Variants in FAM3B observed in about 807,000 individuals in gnomAD.
The protein encoded by FAM3B is FAM3 metabolism regulating signaling molecule B, also known as protein FAM3B.
FAM3B carries 29 observed loss-of-function variants against 28.4 expected under a neutral mutation model. The ratio of observed to expected loss-of-function variants is 1.02; its 90% CI spans 0.76 to 1.39. The LOEUF (loss-of-function observed/expected upper bound fraction) is 1.39, where lower values mean the gene tolerates loss of function less well. Among genes scored for constraint, FAM3B ranks in the 40% most tolerant of loss-of-function variants. The probability of loss-of-function intolerance (pLI) is 0.00; values close to 1 mark genes in which losing one functional copy is unlikely to be tolerated. For missense variants in FAM3B, 266 were observed against 293.9 expected (o/e 0.91, Z 0.69); for synonymous variants, 91 against 103.0 (o/e 0.88, Z 0.71).
chr21:41,314,375 C>T (rs1390430238), upstream of FAM3B, among the ~76,000 whole-genome samples: 1 of 152,204 alleles, frequency 6.6e-6, no homozygotes, highest in Admixed American at 6.5e-5. Flanking sequence ...CAGACTAAGT[C>T]TTGCCTAAGG....
At chr21:41,332,530 G>A (rs1391261752) in intron 2 of FAM3B, among the ~76,000 whole-genome samples, 2 of 152,112 alleles carry the variant, frequency 1.3e-5, no homozygotes, top group Non-Finnish European at 2.9e-5. Flanking sequence ...GGTAATGCTG[G>A]CCTCATAAAG....
chr21:41,345,565 C>T (rs765962993), intron 4 of FAM3B, 121 bp from the exon 5 acceptor site: 36 of 608,260 alleles, frequency 5.9e-5, no homozygotes, highest in Non-Finnish European at 9.5e-5. Context: ...TGGGTCATTA[C>T]ATCAGTGGTG....
At position 41,326,371 on chromosome 21, in the gene FAM3B, T is replaced by C. The variant is rs989639861; in HGVS notation, c.163+3305T>C. On this transcript the variant is annotated intron_variant, in intron 2 of 7. Coordinates refer to ENST00000357985, the MANE Select transcript of FAM3B (RefSeq NM_058186.4). This position sits in a 1 kb window ranked among gnomAD's most constrained non-coding sequence, Gnocchi z 4.0. Reference sequence around the variant, plus strand: ...ACTGACTCTTTTTTTAAATGACACATGGGTTCCCTGCCCACTCCCAGGCCC... The same window carrying C: ...ACTGACTCTTTTTTTAAATGACACACGGGTTCCCTGCCCACTCCCAGGCCC... Among the ~76,000 whole-genome samples, 3 of 152,204 alleles carry C rather than the reference T, an allele frequency of 2.0e-5. No homozygotes were observed. The highest frequency in any genetic ancestry group is 4.4e-5 in the Non-Finnish European group (3 of 68,028).
At position 41,357,591 on chromosome 21, in the gene FAM3B, G is replaced by A. The variant is rs908851467; in HGVS notation, c.*394G>A. 2.0e-5 allele frequency among the ~76,000 whole-genome samples: 3 copies of A among 152,176 alleles called. No individual in the cohort carries two copies. Among genetic ancestry groups the A allele is most frequent in the Non-Finnish European group, 2.9e-5 (2 of 68,038 alleles). On this transcript the variant is annotated 3_prime_UTR_variant, in exon 8 of 8. Coordinates refer to ENST00000357985, the MANE Select transcript of FAM3B (RefSeq NM_058186.4). ...TATCACCAAGCACCTCCTAGTTTCC[G>A]ACAGTCATCTCCTTCTGCTGGGAGA...
intron 7 of FAM3B, among the ~76,000 whole-genome samples, chr21:41,355,959 T>C (rs970335601): frequency 7.7e-4 from 117 of 151,658 alleles, no homozygotes; most frequent in African/African-American, 2.8e-3. Context: ...GAGTTGAAGA[T>C]ATAGAGGACT....
intron 7 of FAM3B, among the ~76,000 whole-genome samples, 180 bp from the exon 8 acceptor site, chr21:41,356,928 A>C (rs1442462483): frequency 1.3e-5 from 2 of 152,234 alleles, no homozygotes; most frequent in Non-Finnish European, 1.5e-5. Context: ...AAAAATATGT[A>C]CATCTATTAT....
intron 3 of FAM3B, among the ~76,000 whole-genome samples, chr21:41,340,516 G>A (rs1050886714): frequency 6.6e-6 from 1 of 152,142 alleles, no homozygotes. Flanking sequence ...ATTCAGGAGG[G>A]CAGAGTCCTC....
chr21:41,306,794 G>T (rs538961102), intron 1 of FAM3B, among the ~76,000 whole-genome samples: 3 of 152,274 alleles, frequency 2.0e-5, no homozygotes, highest in African/African-American at 7.2e-5. Context: ...GTGCAATTGT[G>T]TTACCTGGAT....
chr21:41,344,314 A>G (rs773454810), intron 3 of FAM3B, among the ~76,000 whole-genome samples, 162 bp from the exon 4 acceptor site: 39 of 152,208 alleles, frequency 2.6e-4, no homozygotes, highest in Non-Finnish European at 4.4e-4. Context: ...GTGGATGAAC[A>G]TGGGGGTGGC....
intron 1 of FAM3B, among the ~76,000 whole-genome samples, chr21:41,321,788 C>T (rs2088808983): frequency 6.6e-6 from 1 of 152,170 alleles, no homozygotes; most frequent in Non-Finnish European, 1.5e-5. Context: ...CAGCTGCGCT[C>T]CTGAGAAAGG....
intron 7 of FAM3B, among the ~76,000 whole-genome samples, chr21:41,355,130 A>T (rs2089154335): frequency 1.3e-5 from 2 of 152,222 alleles, no homozygotes; most frequent in African/African-American, 4.8e-5. Flanking sequence ...ATATCCCCTA[A>T]CACTTACTAG....
chr21:41,312,559 T>C (rs1330272877), upstream of FAM3B, among the ~76,000 whole-genome samples: 1 of 152,190 alleles, frequency 6.6e-6, no homozygotes, highest in Non-Finnish European at 1.5e-5. Flanking sequence ...CAAAGCCCTA[T>C]GAGAGGATAC....
chr21:41,346,022 T>TA (rs59394089), intron 5 of FAM3B: 27,231 of 201,484 alleles, frequency 0.14, 3,627 homozygotes, highest in African/African-American at 0.42. Flanking sequence ...GCCTTTTTTT[T>TA]AAAAAAAAAA....
At chr21:41,330,180 G>T (rs973070511) in intron 2 of FAM3B, among the ~76,000 whole-genome samples, 5 of 148,198 alleles carry the variant, frequency 3.4e-5, no homozygotes, top group African/African-American at 1.2e-4. Flanking sequence ...TCCCAAATCT[G>T]AAAACACACA....
At chr21:41,323,196 C>T (rs2088825901) in intron 2 of FAM3B, 130 bp downstream of exon 2, 2 of 1,277,450 alleles carry the variant, frequency 1.6e-6, no homozygotes, top group Non-Finnish European at 2.2e-6. Context: ...AGGAGAGAAG[C>T]ATTTTGCAGT....
intron 3 of FAM3B, among the ~76,000 whole-genome samples, chr21:41,338,856 G>T (rs1205609200): frequency 6.6e-6 from 1 of 152,220 alleles, no homozygotes; most frequent in East Asian, 1.9e-4. Context: ...GCAGTGAAAG[G>T]TGTGTGGGGC....
At chr21:41,309,493 G>A (rs901396545) in intron 1 of FAM3B, among the ~76,000 whole-genome samples, 13 of 152,194 alleles carry the variant, frequency 8.5e-5, no homozygotes, top group Admixed American at 2.0e-4. Context: ...TAAGGGACAC[G>A]TGGAACTGTA....
intron 7 of FAM3B, among the ~76,000 whole-genome samples, chr21:41,354,602 T>C (rs1026719094): frequency 6.6e-6 from 1 of 152,210 alleles, no homozygotes; most frequent in Non-Finnish European, 1.5e-5. Context: ...TGTCACACAT[T>C]CCTACTGATA....
upstream of FAM3B, among the ~76,000 whole-genome samples, chr21:41,315,209 G>C (rs9985079): frequency 0.35 from 53,563 of 151,990 alleles, 9,901 homozygotes; most frequent in East Asian, 0.66. Flanking sequence ...GTGTATGATT[G>C]CGCTTATATG....
Sources: gnomAD v4.1 joint callset for allele counts (sites outside exome capture counted in the v4.1 genomes callset) on GRCh38, gnomAD v4.1.1 for gene constraint, Gnocchi (gnomAD v3.1) non-coding constraint, MANE v1.5 for transcripts, NCBI Gene and HGNC (gene_info 2026-07-23, HGNC 2026-07-21) for gene names.